SYTL2: variants seen among roughly 807,000 people sequenced by gnomAD.
SYTL2 encodes synaptotagmin-like protein 2.
In SYTL2, 165 loss-of-function variants were observed where a neutral mutation model predicts 198.7. The ratio of observed to expected loss-of-function variants is 0.83; its 90% CI spans 0.73 to 0.94. The LOEUF is 0.94. SYTL2 is among the 40% of genes least tolerant of loss of function. SYTL2 has a pLI of 0.00. For missense variants in SYTL2, 2,835 were observed against 2,582.8 expected (o/e 1.10, Z -2.12); for synonymous variants, 966 against 917.7 (o/e 1.05, Z -0.95).
In SYTL2 at chr11:85,788,337, T is replaced by A. The variant is rs149348241; in HGVS notation, c.-390+22617A>T. Among the ~76,000 whole-genome samples, 43 of 152,288 alleles carry A rather than the reference T, an allele frequency of 2.8e-4. 1 individual carries two copies. The East Asian group carries it at 7.3e-3, about 26-fold the overall frequency. On this transcript the variant is annotated intron_variant, in intron 1 of 19. Coordinates refer to ENST00000359152, the MANE Select transcript of SYTL2 (RefSeq NM_206927.4). ...TTATTCAGTCTTCGCAACAAGTTTG[T>A]GAGATGAGTCATATTATTAACCTCC... is the stretch of plus-strand genomic sequence containing the variant.
chr11:85,821,683 A>G, the SYTL2 span, among the ~76,000 whole-genome samples: 2 of 152,234 alleles, frequency 1.3e-5, no homozygotes, highest in Admixed American at 6.5e-5. Context: ...AGCTATATAT[A>G]TGTCCATTTT....
chr11:85,811,078 G>C lies in SYTL2; in HGVS notation c.-514C>G, dbSNP rs1320067214. 6.6e-6 allele frequency: 1 copy of C among 152,238 alleles called. No homozygotes were observed. Among genetic ancestry groups the C allele is most frequent in the South Asian group, 2.1e-4 (1 of 4,836 alleles). The allele number at this position is 152,238 out of a possible 1,614,324, so 9.4% of individuals were successfully genotyped here. A position where few individuals can be genotyped will look rare whatever the true frequency, so the allele number is the denominator to read the frequency against. On this transcript the variant is annotated 5_prime_UTR_variant, in exon 1 of 20. Coordinates refer to ENST00000359152, the MANE Select transcript of SYTL2 (RefSeq NM_206927.4). ...CGGCGCGTTACCTTCCCCCGGGCAA[G>C]GCGTTGCGAGCCTTCACTCTCCCGA...
At chr11:85,771,838 G>A (rs1461077093) in intron 1 of SYTL2, among the ~76,000 whole-genome samples, 2 of 152,074 alleles carry the variant, frequency 1.3e-5, no homozygotes, top group Non-Finnish European at 2.9e-5. Flanking sequence ...ACCACAGGGA[G>A]CTGATGAGAC....
chr11:85,840,038 T>C, the SYTL2 span, among the ~76,000 whole-genome samples: 2 of 152,342 alleles, frequency 1.3e-5, no homozygotes, highest in Non-Finnish European at 2.9e-5. Context: ...TGATGATCAA[T>C]GATGTTGAGC....
At chr11:85,698,413 A>T (rs1178402475) in intron 17 of SYTL2, among the ~76,000 whole-genome samples, 1 of 152,266 alleles carries the variant, frequency 6.6e-6, no homozygotes, top group Non-Finnish European at 1.5e-5. Flanking sequence ...CATTTCAATG[A>T]AATGCATATA....
intron 1 of SYTL2, among the ~76,000 whole-genome samples, chr11:85,789,348 A>ATATATATATATG (rs2092689977): frequency 3.5e-5 from 2 of 57,850 alleles, no homozygotes; most frequent in Non-Finnish European, 6.4e-5. Context: ...GTGTATATAT[A>ATATATATATATG]TATATATATA....
At chr11:85,851,933 T>A in the SYTL2 span, among the ~76,000 whole-genome samples, 3 of 152,218 alleles carry the variant, frequency 2.0e-5, no homozygotes, top group African/African-American at 4.8e-5. Context: ...CAGAAGAACA[T>A]TTATCAGATG....
At chr11:85,768,617 C>T (rs1427296532) in intron 1 of SYTL2, among the ~76,000 whole-genome samples, 1 of 152,178 alleles carries the variant, frequency 6.6e-6, no homozygotes, top group Non-Finnish European at 1.5e-5. Context: ...CTTCTGCTAC[C>T]TTTTCTATTT....
chr11:85,854,218 T>A, the SYTL2 span: 2 of 151,616 alleles, frequency 1.3e-5, no homozygotes, highest in South Asian at 4.2e-4. Context: ...ACACCATGTA[T>A]AAATTATAAA....
chr11:85,783,392 G>A (rs2092592309), intron 1 of SYTL2, among the ~76,000 whole-genome samples: 1 of 151,892 alleles, frequency 6.6e-6, no homozygotes, highest in African/African-American at 2.4e-5. Context: ...CAACAGGTGG[G>A]GATTATGGGA....
the SYTL2 span, among the ~76,000 whole-genome samples, chr11:85,817,902 C>CTTTTT: frequency 5.9e-4 from 65 of 109,850 alleles, no homozygotes; most frequent in Non-Finnish European, 7.5e-4. Context: ...TGTGTCTTTT[C>CTTTTT]TTTTTTTTTT....
intron 8 of SYTL2, among the ~76,000 whole-genome samples, chr11:85,722,877 G>A (rs1317236407): frequency 2.0e-5 from 3 of 151,962 alleles, no homozygotes; most frequent in African/African-American, 7.2e-5. Context: ...TGGATTCTTT[G>A]GTCAGTGTTC....
At chr11:85,846,232 T>A in the SYTL2 span, among the ~76,000 whole-genome samples, 1 of 152,182 alleles carries the variant, frequency 6.6e-6, no homozygotes, top group African/African-American at 2.4e-5. Context: ...CTAGAGCAAG[T>A]ATCCCAAAAG....
At position 85,726,963 on chromosome 11, in the gene SYTL2, A is replaced by G. The variant is rs1312457700; in HGVS notation, c.2395T>C (p.Trp799Arg). The G allele has an allele frequency of 1.3e-6, 2 of 1,536,538 alleles. No individual in the cohort carries two copies. Among genetic ancestry groups the G allele is most frequent in the Non-Finnish European group, 1.7e-6 (2 of 1,147,022 alleles). ...TTAGCACCAGCTTTCTCTCCTTCCCAAAAGGATATTCTGTCACTCACTCTT... is the reference window on the plus strand; with the variant it reads ...TTAGCACCAGCTTTCTCTCCTTCCCGAAAGGATATTCTGTCACTCACTCTT... ...YKRVSDRISFWEGEKAGAKIT... is the reference protein window; with the variant it reads ...YKRVSDRISFREGEKAGAKIT... The change falls in exon 8 of 20, where the codon TGG (tryptophan) becomes CGG (arginine). Residue 799 changes from tryptophan to arginine, a missense_variant. Trp to Arg is a moderately radical substitution (Grantham distance 101). Transcript: ENST00000359152.
chr11:85,723,997 G>T, intron 8 of SYTL2, 35 bp downstream of exon 8: 1 of 1,262,946 alleles, frequency 7.9e-7, no homozygotes, highest in Non-Finnish European at 1.1e-6. Flanking sequence ...CCATAAAGCA[G>T]ACTCACTGTG....
chr11:85,826,613 G>A, the SYTL2 span, among the ~76,000 whole-genome samples: 1 of 152,224 alleles, frequency 6.6e-6, no homozygotes, highest in South Asian at 2.1e-4. Flanking sequence ...ACAAGGGGCT[G>A]GGGAGAAACA....
At position 85,697,943 on chromosome 11, in the gene SYTL2, C is replaced by G. The variant is rs768969572; in HGVS notation, c.6368+36G>C. On this transcript the variant is annotated intron_variant, in intron 18 of 19. Coordinates refer to ENST00000359152, the MANE Select transcript of SYTL2 (RefSeq NM_206927.4). ...AAACTAACCAGCAAAGACCAGGCTA[C>G]AGAACTGTTGCAGACAGAGTCATCA... The G allele has an allele frequency of 3.6e-6, 5 of 1,394,886 alleles. No individual in the cohort carries two copies. In the South Asian group the frequency reaches 5.8e-5, roughly 16 times the overall value. The allele number at this position is 1,394,886 out of a possible 1,614,324, so 86.4% of individuals were successfully genotyped here. A position where few individuals can be genotyped will look rare whatever the true frequency, so the allele number is the denominator to read the frequency against.
chr11:85,715,636 C>T (rs749456680), intron 11 of SYTL2, among the ~76,000 whole-genome samples: 1 of 152,124 alleles, frequency 6.6e-6, no homozygotes, highest in African/African-American at 2.4e-5. Flanking sequence ...TCCTTGCTCA[C>T]ATAACAATTT....
At chr11:85,719,889 C>T (rs1030051994) in intron 9 of SYTL2, among the ~76,000 whole-genome samples, 2 of 151,924 alleles carry the variant, frequency 1.3e-5, no homozygotes, top group Admixed American at 6.6e-5. Context: ...AAAAAATATT[C>T]TAAACATAAC....
Sources: gnomAD v4.1 joint callset for allele counts (sites outside exome capture counted in the v4.1 genomes callset) on GRCh38, gnomAD v4.1.1 for gene constraint, MANE v1.5 for transcripts, NCBI Gene and HGNC (gene_info 2026-07-23, HGNC 2026-07-21) for gene names.